Variants in ITGA9 observed in about 807,000 individuals in gnomAD.
ITGA9 encodes integrin alpha-9.
ITGA9 carries 56 observed loss-of-function variants against 127.8 expected under a neutral mutation model. That is an observed-to-expected ratio of 0.44 (90% CI 0.35 to 0.55). ITGA9 has a LOEUF of 0.55. Ranked by LOEUF, ITGA9 falls within the 20% of genes least tolerant of loss-of-function variation. The probability of loss-of-function intolerance (pLI) is 0.00; values close to 1 mark genes in which losing one functional copy is unlikely to be tolerated. For missense variants in ITGA9, 1,196 were observed against 1,347.1 expected (o/e 0.89, Z 1.76); for synonymous variants, 508 against 514.5 (o/e 0.99, Z 0.17).
At chr3:37,526,699 A>G (rs1699096978) in intron 13 of ITGA9, among the ~76,000 whole-genome samples, 1 of 152,244 alleles carries the variant, frequency 6.6e-6, no homozygotes, top group Non-Finnish European at 1.5e-5. Context: ...TAGCTGTATG[A>G]GTCAGAGGAG....
intron 15 of ITGA9, among the ~76,000 whole-genome samples, chr3:37,568,872 C>A (rs1273645501): frequency 6.6e-6 from 1 of 152,222 alleles, no homozygotes; most frequent in Non-Finnish European, 1.5e-5. Flanking sequence ...TTCCTGTCTT[C>A]TTCTGAACCC....
At chr3:37,615,884 A>G (rs187047917) in intron 15 of ITGA9, among the ~76,000 whole-genome samples, 9 of 151,972 alleles carry the variant, frequency 5.9e-5, no homozygotes, top group South Asian at 2.1e-4. Context: ...CTAGCGGTCT[A>G]TCAATTTTGT....
chr3:37,585,622 T>G (rs767777108), intron 15 of ITGA9: 2 of 516,082 alleles, frequency 3.9e-6, no homozygotes, highest in South Asian at 1.4e-5. Context: ...CATATTACAT[T>G]CCAAGAAGGG....
intron 14 of ITGA9, among the ~76,000 whole-genome samples, chr3:37,541,671 C>T (rs978716782): frequency 6.6e-6 from 1 of 152,138 alleles, no homozygotes; most frequent in Non-Finnish European, 1.5e-5. Context: ...AGTACAGGCC[C>T]TACCGTGGTC....
intron 14 of ITGA9, 142 bp downstream of exon 14, chr3:37,533,610 A>T: frequency 1.3e-6 from 1 of 757,744 alleles, no homozygotes; most frequent in South Asian, 1.6e-5. Context: ...TTTCCCTCTG[A>T]GGTTCCTCCC....
chr3:37,732,899 C>A (rs1032691852), intron 19 of ITGA9, 101 bp downstream of exon 19: 3 of 875,034 alleles, frequency 3.4e-6, no homozygotes, highest in East Asian at 2.6e-5. Context: ...CCTCCCACCC[C>A]CTGCCTCCCA....
intron 14 of ITGA9, among the ~76,000 whole-genome samples, chr3:37,535,352 G>A (rs1278277622): frequency 6.6e-6 from 1 of 152,240 alleles, no homozygotes; most frequent in Non-Finnish European, 1.5e-5. Context: ...TTCAGAGCAT[G>A]AGACAAGTGG....
chr3:37,512,141 TTTC>T lies in ITGA9; in HGVS notation c.898-1619_898-1617del, dbSNP rs1559524863. On this transcript the variant is annotated intron_variant, in intron 8 of 27. Coordinates refer to ENST00000264741, the MANE Select transcript of ITGA9 (RefSeq NM_002207.3). The stretch of plus-strand genomic sequence containing the variant: ...CCTTCTTTCTTTTCTTTTCTTTTCT[TTTC>T]TTTTCTTTTCTTTTCTTTTCTTTTC... Among the ~76,000 whole-genome samples the T allele has an allele frequency of 2.0e-4, 3 of 14,790 alleles. 1 individual carries two copies. Among genetic ancestry groups the T allele is most frequent in the Non-Finnish European group, 3.8e-4 (3 of 7,926 alleles). The allele number at this position is 14,790 out of a possible 152,430, so 9.7% of individuals were successfully genotyped here.
rs1348949918 is a variant in ITGA9, at chr3:37,814,901, TA to T, written c.3010-3983del. On this transcript the variant is annotated intron_variant, in intron 27 of 27. Transcript: ENST00000264741. This position sits in a 1 kb window ranked among gnomAD's most constrained non-coding sequence, Gnocchi z 4.3. Reference sequence around the variant, plus strand: ...GTTTTAAGAAATGGTCTTCAGACTCTAAAAAAAGGAAGACATACATCAGTGG... The same window carrying T: ...GTTTTAAGAAATGGTCTTCAGACTCTAAAAAAGGAAGACATACATCAGTGG... Among the ~76,000 whole-genome samples the T allele has an allele frequency of 1.3e-5, 2 of 152,120 alleles. No homozygotes were observed. The highest frequency in any genetic ancestry group is 4.8e-5 in the African/African-American group (2 of 41,394).
At chr3:37,518,771 CTTTTTTTTTTTTTTTTTTTT>C (rs543297344) in intron 10 of ITGA9, among the ~76,000 whole-genome samples, 1 of 43,492 alleles carries the variant, frequency 2.3e-5, no homozygotes, top group Non-Finnish European at 4.1e-5. Flanking sequence ...TTTCACTGTA[CTTTTTTTTTTTTTTTTTTTT>C]TTTTTTTTTT....
intron 15 of ITGA9, among the ~76,000 whole-genome samples, chr3:37,565,608 T>C (rs993393557): frequency 3.3e-5 from 5 of 151,982 alleles, no homozygotes; most frequent in Non-Finnish European, 7.4e-5. Flanking sequence ...GTTCTGGAGG[T>C]GGATGGTGGT....
At chr3:37,737,618 G>T (rs1487446448) in intron 20 of ITGA9, among the ~76,000 whole-genome samples, 2 of 152,186 alleles carry the variant, frequency 1.3e-5, no homozygotes, top group East Asian at 3.9e-4. Context: ...CTCCAGGGCA[G>T]ATCCAGCATG....
intron 25 of ITGA9, among the ~76,000 whole-genome samples, chr3:37,782,932 A>G (rs539989736): frequency 1.8e-4 from 27 of 152,222 alleles, no homozygotes; most frequent in Non-Finnish European, 2.6e-4. Flanking sequence ...AAGGTCAGGA[A>G]TTCAAGACCA....
At chr3:37,594,060 C>G (rs2125616633) in intron 15 of ITGA9, among the ~76,000 whole-genome samples, 1 of 152,372 alleles carries the variant, frequency 6.6e-6, no homozygotes, top group East Asian at 1.9e-4. Context: ...TGGGCTCACC[C>G]ACGCTGCTGC....
At chr3:37,611,704 A>G (rs1323412411) in intron 15 of ITGA9, among the ~76,000 whole-genome samples, 1 of 152,010 alleles carries the variant, frequency 6.6e-6, no homozygotes. Context: ...GACTCTCTTC[A>G]TTTTGGTCAT....
intron 26 of ITGA9, among the ~76,000 whole-genome samples, chr3:37,796,963 C>T (rs1375901435): frequency 6.6e-6 from 1 of 152,086 alleles, no homozygotes; most frequent in African/African-American, 2.4e-5. Context: ...GGTTTTAAAA[C>T]TCTGTTTTGT....
chr3:37,554,799 T>G (rs1438419297), intron 15 of ITGA9, among the ~76,000 whole-genome samples: 1 of 152,148 alleles, frequency 6.6e-6, no homozygotes, highest in East Asian at 1.9e-4. Flanking sequence ...GAGTTGTCAC[T>G]GGTGGTGTTT....
intron 3 of ITGA9, among the ~76,000 whole-genome samples, chr3:37,479,862 G>A (rs1318374193): frequency 6.6e-6 from 1 of 152,152 alleles, no homozygotes; most frequent in African/African-American, 2.4e-5. Context: ...TACAGAAAAT[G>A]GGAATTCTAA....
intron 15 of ITGA9, among the ~76,000 whole-genome samples, chr3:37,555,668 T>G (rs1365439493): frequency 6.6e-6 from 1 of 152,170 alleles, no homozygotes; most frequent in East Asian, 1.9e-4. Flanking sequence ...TAGATTGAGG[T>G]CACATTGACT....
Sources: allele counts gnomAD v4.1 joint callset (sites outside exome capture counted in the v4.1 genomes callset), GRCh38; gene constraint gnomAD v4.1.1; non-coding constraint Gnocchi (gnomAD v3.1); transcripts MANE v1.5; gene names NCBI Gene and HGNC (gene_info 2026-07-23, HGNC 2026-07-21).